MAPK8IP3: variants seen among roughly 807,000 people sequenced by gnomAD.
MAPK8IP3 encodes the protein C-Jun-amino-terminal kinase-interacting protein 3.
A neutral mutation model predicts 157.8 loss-of-function variants in MAPK8IP3; 49 were observed. That is an observed-to-expected ratio of 0.31 (90% CI 0.25 to 0.39). MAPK8IP3 has a LOEUF of 0.39. Among genes scored for constraint, MAPK8IP3 ranks in the 10% least tolerant of loss-of-function variants. The probability of loss-of-function intolerance (pLI) is 1.00; values close to 1 mark genes in which losing one functional copy is unlikely to be tolerated. For missense variants in MAPK8IP3, 1,478 were observed against 1,889.4 expected (o/e 0.78, Z 4.04); for synonymous variants, 897 against 777.7 (o/e 1.15, Z -2.55).
intron 15 of MAPK8IP3, 50 bp from the exon 16 acceptor site, chr16:1,762,786 G>C (rs2042028033): frequency 6.3e-7 from 1 of 1,599,940 alleles, no homozygotes; most frequent in East Asian, 2.2e-5. Flanking sequence ...AAGGGGCAGG[G>C]AGGTTCCCTG....
chr16:1,748,229 T>C lies in MAPK8IP3; in HGVS notation c.995-15T>C. On this transcript the variant is annotated splice_polypyrimidine_tract_variant and intron_variant, in intron 6 of 31. Transcript: ENST00000610761. Reference sequence around the variant, plus strand: ...ACCCTCTCCTGACCCCAGGTGCCCCTGTGCTCTCCCCTAGGCATGGGCAGC... The same window carrying C: ...ACCCTCTCCTGACCCCAGGTGCCCCCGTGCTCTCCCCTAGGCATGGGCAGC... The C allele has an allele frequency of 4.4e-6, 7 of 1,604,624 alleles. No individual in the cohort carries two copies. Among genetic ancestry groups the C allele is most frequent in the Non-Finnish European group, 6.0e-6 (7 of 1,171,744 alleles).
At position 1,747,049 on chromosome 16, in the gene MAPK8IP3, C is replaced by T. The variant is rs2294613; in HGVS notation, c.768C>T (p.Ser256=). 0.097 allele frequency: 156,655 copies of T among 1,613,412 alleles called. 7,847 individuals are homozygous for T. Among genetic ancestry groups the T allele is most frequent in the Middle Eastern group, 0.11 (687 of 6,060 alleles). The part of the protein sequence containing the change: ...SSYQCPQDEM[S]ESGQSSAAAT... ...CTTAGTGTCCACAGGATGAAATGTC[C>T]GAGTCAGGCCAGTCCTCGGCGGCCG... Residue 256 remains serine, a synonymous_variant, in exon 6 of 32, where the codon TCC becomes TCT. Transcript: ENST00000610761.
At chr16:1,738,853 G>A (rs1342655403) in intron 4 of MAPK8IP3, among the ~76,000 whole-genome samples, 4 of 99,312 alleles carry the variant, frequency 4.0e-5, no homozygotes, top group African/African-American at 1.7e-4. Context: ...GTGTGAGCGT[G>A]TGAGCGTCCG....
intron 1 of MAPK8IP3, among the ~76,000 whole-genome samples, chr16:1,722,471 A>G (rs566301356): frequency 2.6e-5 from 4 of 152,298 alleles, no homozygotes; most frequent in Admixed American, 2.0e-4. Flanking sequence ...ATTATAGGGA[A>G]CACAGCTGTG....
intron 1 of MAPK8IP3, among the ~76,000 whole-genome samples, chr16:1,716,348 C>T (rs2038151138): frequency 6.9e-6 from 1 of 144,754 alleles, no homozygotes; most frequent in Admixed American, 7.0e-5. Flanking sequence ...CTCCCTCTGT[C>T]ATGCAGTGGC....
chr16:1,744,716 C>A, intron 5 of MAPK8IP3: 1 of 985,526 alleles, frequency 1.0e-6, no homozygotes. Context: ...CTGCCTCTCG[C>A]GCCCGCTCTG....
intron 4 of MAPK8IP3, among the ~76,000 whole-genome samples, chr16:1,739,436 GCCT>G (rs1391196045): frequency 1.4e-5 from 2 of 140,524 alleles, no homozygotes; most frequent in African/African-American, 5.4e-5. Context: ...GTCCGTGTGA[GCCT>G]CCGTGTGACC....
chr16:1,745,305 G>A (rs985916515), intron 5 of MAPK8IP3: 8 of 448,152 alleles, frequency 1.8e-5, no homozygotes, highest in African/African-American at 2.1e-5. Flanking sequence ...GGCCACATGG[G>A]GTTCCCTGTT....
At chr16:1,730,073 A>AT in intron 4 of MAPK8IP3, among the ~76,000 whole-genome samples, 1 of 148,286 alleles carries the variant, frequency 6.7e-6, no homozygotes, top group Admixed American at 6.7e-5. Context: ...AAAAAAAAAA[A>AT]TTGTTTAAAA....
chr16:1,753,860 A>T (rs2041439301), intron 8 of MAPK8IP3, among the ~76,000 whole-genome samples: 1 of 152,004 alleles, frequency 6.6e-6, no homozygotes, highest in Non-Finnish European at 1.5e-5. Context: ...TGAGGAAAAA[A>T]ATGTACGTCT....
rs765888578 is a variant in MAPK8IP3 at position 1,768,802 on chromosome 16, A to T, written c.3992A>T (p.Gln1331Leu). The T allele has an allele frequency of 1.9e-6, 3 of 1,612,510 alleles. No homozygotes were observed. Among genetic ancestry groups the T allele is most frequent in the Non-Finnish European group, 8.5e-7 (1 of 1,179,780 alleles). ...KAERSHIIVW[Q>L]VSYTPE ...GAGCGCAGTCACATCATCGTGTGGCAGGTGTCCTACACCCCCGAGTGAAGC... is the reference window on the plus strand; with the variant it reads ...GAGCGCAGTCACATCATCGTGTGGCTGGTGTCCTACACCCCCGAGTGAAGC... The change falls in exon 32 of 32, where the codon CAG becomes CTG. Residue 1331 changes from glutamine (Q) to leucine (L), a missense_variant. Coordinates refer to ENST00000610761, the MANE Select transcript of MAPK8IP3 (RefSeq NM_001318852.2).
intron 10 of MAPK8IP3, 127 bp downstream of exon 10, chr16:1,759,122 G>A (rs1596759941): frequency 1.6e-6 from 2 of 1,258,778 alleles, no homozygotes; most frequent in East Asian, 4.9e-5. Context: ...CAGGGGGGCA[G>A]CCCTGAGTGA....
At chr16:1,747,628 T>C (rs1252685813) in intron 6 of MAPK8IP3, among the ~76,000 whole-genome samples, 1 of 152,200 alleles carries the variant, frequency 6.6e-6, no homozygotes, top group Non-Finnish European at 1.5e-5. Flanking sequence ...AATACAGTCA[T>C]GCTAGGGGGT....
At position 1,766,604 on chromosome 16, in the gene MAPK8IP3, C is replaced by G. The variant is rs1211939843; in HGVS notation, c.2895C>G (p.Gly965=). ...PEPSGDPTGA[G]SSAAPTMWLG... ...CCAGCGGGGACCCCACGGGAGCAGG[C>G]AGCAGTGCTGCACCCACCATGTGGC... The change falls in exon 23 of 32, where the codon GGC becomes GGG. Residue 965 remains glycine (G), a synonymous_variant. Coordinates refer to ENST00000610761, the MANE Select transcript of MAPK8IP3 (RefSeq NM_001318852.2). 6.2e-7 allele frequency: 1 copy of G among 1,612,442 alleles called. No homozygotes were observed. Among genetic ancestry groups the G allele is most frequent in the East Asian group, 2.2e-5 (1 of 44,874 alleles).
intron 8 of MAPK8IP3, among the ~76,000 whole-genome samples, chr16:1,757,256 T>C (rs1431274339): frequency 6.6e-6 from 1 of 152,124 alleles, no homozygotes; most frequent in Non-Finnish European, 1.5e-5. Context: ...AGGTGCCCGC[T>C]ACCAGGTCTG....
chr16:1,736,853 T>G (rs1229970066), intron 4 of MAPK8IP3, among the ~76,000 whole-genome samples: 1 of 75,764 alleles, frequency 1.3e-5, no homozygotes, highest in African/African-American at 5.6e-5. Flanking sequence ...ACCGTCCGTG[T>G]GTGACCGTCC....
intron 7 of MAPK8IP3, 54 bp downstream of exon 7, chr16:1,748,400 C>A: frequency 6.7e-7 from 1 of 1,487,682 alleles, no homozygotes; most frequent in Non-Finnish European, 9.3e-7. Flanking sequence ...TTATCCAAGT[C>A]GGTGTCTTTG....
At chr16:1,758,854 AC>A in intron 9 of MAPK8IP3, 123 bp from the exon 10 acceptor site, 1 of 988,756 alleles carries the variant, frequency 1.0e-6, no homozygotes, top group Non-Finnish European at 1.6e-6. Flanking sequence ...AACCCAGCAG[AC>A]CCAGCTCTGA....
Position 1,761,289 on chromosome 16 carries a change from A to T in MAPK8IP3, c.1523A>T (p.Tyr508Phe). ...GAAGAGGCGGAGGATGTAAGCAGCT[A>T]TCTCTGTACAGAATCGGTACATCCA... ...PKEEAEDVSS[Y>F]LCTESDKIPM... The change falls in exon 13 of 32, where the codon TAT (tyrosine) becomes TTT (phenylalanine). Residue 508 changes from tyrosine (Y) to phenylalanine (F), a missense_variant. Physicochemically the swap from Tyr to Phe is conservative, Grantham distance 22. This residue lies in a region of MAPK8IP3 where 96 missense variants were observed against 106.3 expected (regional missense o/e 0.90). Transcript: ENST00000610761. 3 of 1,613,504 alleles carry T rather than the reference A, an allele frequency of 1.9e-6. No individual in the cohort carries two copies. The highest frequency in any genetic ancestry group is 1.7e-6 in the Non-Finnish European group (2 of 1,179,984).
Sources: gnomAD v4.1 joint callset for allele counts (sites outside exome capture counted in the v4.1 genomes callset) on GRCh38, gnomAD v4.1.1 for gene constraint, gnomAD v4.1.1 regional missense constraint, MANE v1.5 for transcripts, NCBI Gene and HGNC (gene_info 2026-07-23, HGNC 2026-07-21) for gene names.